The following PDE11A variants were observed in gnomAD, a reference collection of about 807,000 sequenced individuals.
PDE11A encodes the protein phosphodiesterase 11A, also known as dual 3',5'-cyclic-AMP and -GMP phosphodiesterase 11A.
PDE11A carries 100 observed loss-of-function variants against 100.5 expected under a neutral mutation model. The observed-to-expected ratio is 1.00, with a 90% CI of 0.85 to 1.18. PDE11A has a LOEUF of 1.18. PDE11A is among the 50% of genes most tolerant of loss of function. The probability of loss-of-function intolerance (pLI) is 0.00; values close to 1 mark genes in which losing one functional copy is unlikely to be tolerated. For missense variants in PDE11A, 1,141 were observed against 1,152.6 expected, an observed-to-expected ratio of 0.99 and a Z score of 0.15; for synonymous variants, 381 against 420.8, an observed-to-expected ratio of 0.91 and a Z score of 1.16.
chr2:177,804,405 C>A (rs2082837838), intron 9 of PDE11A, among the ~76,000 whole-genome samples: 1 of 151,834 alleles, frequency 6.6e-6, no homozygotes, highest in African/African-American at 2.4e-5. Context: ...GTTATAATAG[C>A]TATTATTAAA....
chr2:177,761,031 T>C (rs148191049), intron 10 of PDE11A, among the ~76,000 whole-genome samples: 14 of 152,134 alleles, frequency 9.2e-5, no homozygotes, highest in African/African-American at 3.4e-4. Flanking sequence ...GTCAAAAAAA[T>C]AGGTTTAAAA....
Position 177,898,150 on chromosome 2 carries a change from C to A in PDE11A, c.1210G>T (p.Glu404Ter). The A allele has an allele frequency of 1.2e-6, 2 of 1,609,308 alleles. No individual in the cohort carries two copies. Among genetic ancestry groups the A allele is most frequent in the Non-Finnish European group, 1.7e-6 (2 of 1,175,590 alleles). Reference protein sequence around the residue: ...NDLFEEQTDLEKIVKKIMHRA... With the variant: ...NDLFEEQTDL ...TGCATTATTTTCTTGACAATTTTCT[C>A]CAGGTCAGTCTGTTCTTCAAAGAGG... Residue 404 changes from glutamate to a stop codon, truncating the protein, a stop_gained, in exon 4 of 20, where the codon GAG becomes TAG. Transcript: ENST00000286063. LOFTEE classifies it high-confidence loss of function.
At chr2:177,669,633 C>T (rs879567413) in intron 17 of PDE11A, 66 bp from the exon 18 acceptor site, 12 of 802,416 alleles carry the variant, frequency 1.5e-5, no homozygotes, top group Non-Finnish European at 2.5e-5. Context: ...GAAGTTCTTT[C>T]TTGCTTATGT....
At chr2:178,039,029 A>G (rs1432812877) in intron 1 of PDE11A, 1 of 152,182 alleles carries the variant, frequency 6.6e-6, no homozygotes, top group Non-Finnish European at 1.5e-5. Flanking sequence ...TGGCTATATA[A>G]CCAGAGGAAT....
chr2:177,784,358 T>TTTACAA (rs1424714774), intron 9 of PDE11A, among the ~76,000 whole-genome samples: 1 of 151,674 alleles, frequency 6.6e-6, no homozygotes, highest in Admixed American at 6.6e-5. Flanking sequence ...ATCATAACAG[T>TTTACAA]TTACAATTAC....
chr2:178,088,291 G>A (rs1193212472), intron 2 of PDE11A, among the ~76,000 whole-genome samples: 2 of 152,234 alleles, frequency 1.3e-5, no homozygotes, highest in African/African-American at 2.4e-5. Flanking sequence ...AGAATGTGAT[G>A]AGGAGGAAGA....
chr2:178,072,045 G>A lies in PDE11A; in HGVS notation c.393C>T (p.Ile131=). ...LRKSFARSKA[I]HVNRTYDEQV... is the part of the protein sequence containing the mutation. ...GTTCATCGTAGGTCCTGTTCACGTGGATGGCCTTGGAGCGGGCAAAACTCT... is the reference window on the plus strand; with the variant it reads ...GTTCATCGTAGGTCCTGTTCACGTGAATGGCCTTGGAGCGGGCAAAACTCT... The change falls in exon 1 of 20, where the codon ATC becomes ATT. Residue 131 remains isoleucine (I), a synonymous_variant. Coordinates refer to ENST00000286063, the MANE Select transcript of PDE11A (RefSeq NM_016953.4). The A allele has an allele frequency of 6.2e-7, 1 of 1,613,848 alleles. No homozygotes were observed. Among genetic ancestry groups the A allele is most frequent in the Non-Finnish European group, 8.5e-7 (1 of 1,179,738 alleles).
intron 19 of PDE11A, among the ~76,000 whole-genome samples, chr2:177,637,584 T>G (rs543415413): frequency 7.9e-5 from 12 of 151,782 alleles, no homozygotes. Context: ...AAGTGCTGGT[T>G]TTCAGCAATT....
At chr2:177,794,409 T>A (rs946759003) in intron 9 of PDE11A, among the ~76,000 whole-genome samples, 3 of 152,138 alleles carry the variant, frequency 2.0e-5, no homozygotes, top group Non-Finnish European at 4.4e-5. Flanking sequence ...AGGGATTAGA[T>A]CACAGAAGTT....
At chr2:177,701,004 A>G in intron 14 of PDE11A, 117 bp downstream of exon 14, 1 of 737,726 alleles carries the variant, frequency 1.4e-6, no homozygotes, top group Non-Finnish European at 2.5e-6. Context: ...AAGTTGACTT[A>G]GAAATGGTTT....
At chr2:177,895,508 C>A (rs1000642905) in intron 4 of PDE11A, among the ~76,000 whole-genome samples, 1 of 150,600 alleles carries the variant, frequency 6.6e-6, no homozygotes, top group African/African-American at 2.5e-5. Flanking sequence ...GAGCTGAGAT[C>A]GCGCCATTGC....
At chr2:177,947,030 G>A (rs796643505) in intron 2 of PDE11A, among the ~76,000 whole-genome samples, 1 of 96,412 alleles carries the variant, frequency 1.0e-5, no homozygotes, top group African/African-American at 4.0e-5. Flanking sequence ...TCAGCCCCCC[G>A]CCCGGCCAGC....
intron 2 of PDE11A, among the ~76,000 whole-genome samples, chr2:177,906,873 T>C (rs1250350886): frequency 1.3e-5 from 2 of 152,224 alleles, no homozygotes; most frequent in Admixed American, 6.5e-5. Flanking sequence ...TGTAGTTTTC[T>C]GGAGGTTTTG....
At chr2:178,100,243 T>C (rs1357654198) in intron 2 of PDE11A, among the ~76,000 whole-genome samples, 1 of 152,220 alleles carries the variant, frequency 6.6e-6, no homozygotes, top group Admixed American at 6.5e-5. Flanking sequence ...TTTTATGTTA[T>C]ATATATTTTG....
At chr2:177,675,695 T>G (rs1474832919) in intron 16 of PDE11A, 177 bp from the exon 17 acceptor site, 3 of 702,402 alleles carry the variant, frequency 4.3e-6, no homozygotes, top group Non-Finnish European at 8.0e-6. Context: ...CTCCATCATG[T>G]GGCCACGCTG....
At chr2:177,908,303 G>A (rs564463685) in intron 2 of PDE11A, among the ~76,000 whole-genome samples, 6 of 152,282 alleles carry the variant, frequency 3.9e-5, no homozygotes, top group South Asian at 2.1e-4. Flanking sequence ...CCCAGTTTCC[G>A]GAGATAACAA....
intron 19 of PDE11A, among the ~76,000 whole-genome samples, chr2:177,640,591 T>A (rs1444228056): frequency 2.0e-5 from 3 of 152,364 alleles, no homozygotes; most frequent in Admixed American, 2.0e-4. Flanking sequence ...ATTAGTGAAT[T>A]GTTGAACTGC....
intron 12 of PDE11A, among the ~76,000 whole-genome samples, chr2:177,716,558 G>A (rs1224579302): frequency 1.3e-5 from 2 of 152,054 alleles, no homozygotes; most frequent in African/African-American, 2.4e-5. Flanking sequence ...AGGGGAGGGG[G>A]GATAAATGTA....
At chr2:177,644,036 G>A (rs1574091815) in intron 19 of PDE11A, among the ~76,000 whole-genome samples, 1 of 152,380 alleles carries the variant, frequency 6.6e-6, no homozygotes, top group Admixed American at 6.5e-5. Context: ...GTCTTCTGCA[G>A]GGGTGGGGCC....
Sources: allele counts gnomAD v4.1 joint callset (sites outside exome capture counted in the v4.1 genomes callset), GRCh38; gene constraint gnomAD v4.1.1; transcripts MANE v1.5; gene names NCBI Gene and HGNC (gene_info 2026-07-23, HGNC 2026-07-21).